Variants in UGCG observed in about 807,000 individuals in gnomAD.
UGCG encodes the protein ceramide glucosyltransferase.
A neutral mutation model predicts 49.5 loss-of-function variants in UGCG; 10 were observed. That is an observed-to-expected ratio of 0.20 (90% CI 0.12 to 0.34). UGCG has a LOEUF of 0.34. Ranked by LOEUF, UGCG falls within the 10% of genes least tolerant of loss-of-function variation. The pLI is 1.00. For synonymous variants in UGCG, 182 were observed against 158.2 expected (o/e 1.15, Z -1.13); for missense variants, 312 against 483.7 (o/e 0.65, Z 3.33).
intron 4 of UGCG, among the ~76,000 whole-genome samples, chr9:111,925,710 G>A (rs887678732): frequency 1.3e-5 from 2 of 152,202 alleles, no homozygotes; most frequent in Non-Finnish European, 2.9e-5. Flanking sequence ...ATAAGGTCAT[G>A]TAAAAATGAT....
At chr9:111,924,925 TA>T in intron 4 of UGCG, 47 bp downstream of exon 4, 1 of 1,172,562 alleles carries the variant, frequency 8.5e-7, no homozygotes, top group South Asian at 2.1e-5. Context: ...AATTTGAAGA[TA>T]AAATGCTAAA....
intron 8 of UGCG, 129 bp downstream of exon 8, chr9:111,932,488 G>C: frequency 2.0e-6 from 2 of 995,116 alleles, no homozygotes; most frequent in Non-Finnish European, 2.8e-6. Flanking sequence ...TCTCGGGTTT[G>C]AACATGACTT....
chr9:111,909,169 C>T lies in UGCG; in HGVS notation c.99-5436C>T, dbSNP rs2131719934. On this transcript the variant is annotated intron_variant, in intron 1 of 8. Coordinates refer to ENST00000374279, the MANE Select transcript of UGCG (RefSeq NM_003358.3). The stretch of plus-strand genomic sequence containing the variant: ...TCCTGACCTCAAGTGATCCGCCTGC[C>T]TCATCTTCCCAAAGTGCTAGAATTA... Among the ~76,000 whole-genome samples the T allele has an allele frequency of 2.0e-5, 3 of 152,288 alleles. 1 individual carries two copies. In the South Asian group the frequency reaches 6.2e-4, roughly 32 times the overall value.
In UGCG at chr9:111,934,387, C is replaced by T. The variant is rs568216108; in HGVS notation, c.*1390C>T. ...AAAAAAAAAACAAAAATGTAAGGGA[C>T]AGTGCATAAGCCTTTTCTTTGTTAA... is the stretch of plus-strand genomic sequence containing the variant. On this transcript the variant is annotated 3_prime_UTR_variant, in exon 9 of 9. Transcript: ENST00000374279. 1 of 151,496 alleles carries T rather than the reference C, an allele frequency of 6.6e-6. No individual in the cohort carries two copies. The highest frequency in any genetic ancestry group is 6.6e-5 in the Admixed American group (1 of 15,206). 9.4% of individuals were successfully genotyped at this position (151,496 alleles called of 1,614,324 possible). A position where few individuals can be genotyped will look rare whatever the true frequency, so the allele number is the denominator to read the frequency against.
chr9:111,915,710 A>T, intron 2 of UGCG: 1 of 883,484 alleles, frequency 1.1e-6, no homozygotes, highest in African/African-American at 1.8e-5. Context: ...TATGCGCACT[A>T]CACTTCTTAT....
chr9:111,932,042 C>CA, intron 7 of UGCG, 128 bp from the exon 8 acceptor site: 8 of 967,024 alleles, frequency 8.3e-6, no homozygotes, highest in South Asian at 3.7e-5. Flanking sequence ...AAAAACAAAA[C>CA]AAAAAAAGTT....
In UGCG at chr9:111,933,163, AAAC is replaced by A. The variant is rs1564207373; in HGVS notation, c.*168_*170del. On this transcript the variant is annotated 3_prime_UTR_variant, in exon 9 of 9. Coordinates refer to ENST00000374279, the MANE Select transcript of UGCG (RefSeq NM_003358.3). Reference sequence around the variant, plus strand: ...CACTTGCATCTGTGAAAAAAAAAAAAAACACATCTGTAGTCTTGGCCAAATGAT... The same window carrying A: ...CACTTGCATCTGTGAAAAAAAAAAAAACATCTGTAGTCTTGGCCAAATGAT... 2 of 606,108 alleles carry A rather than the reference AAAC, an allele frequency of 3.3e-6. No individual in the cohort carries two copies. Among genetic ancestry groups the A allele is most frequent in the Non-Finnish European group, 4.7e-6 (2 of 422,110 alleles). The allele number at this position is 606,108 out of a possible 1,614,324, so 37.5% of individuals were successfully genotyped here. A position where few individuals can be genotyped will look rare whatever the true frequency, so the allele number is the denominator to read the frequency against.
chr9:111,924,753 A>G (rs1361408112), intron 3 of UGCG, 24 bp from the exon 4 acceptor site: 1 of 1,292,194 alleles, frequency 7.7e-7, no homozygotes, highest in Non-Finnish European at 1.1e-6. Context: ...TAAATCTTTT[A>G]CTACTGTACC....
intron 2 of UGCG, among the ~76,000 whole-genome samples, chr9:111,918,765 C>CA (rs1021725633): frequency 6.1e-5 from 9 of 148,732 alleles, no homozygotes; most frequent in South Asian, 2.1e-4. Flanking sequence ...ACTAAAAATA[C>CA]AAAAAAAAAA....
chr9:111,916,067 A>G (rs1838104803), intron 2 of UGCG, among the ~76,000 whole-genome samples: 1 of 152,124 alleles, frequency 6.6e-6, no homozygotes, highest in African/African-American at 2.4e-5. Flanking sequence ...ATAATTGTAT[A>G]TACTTGTTTT....
rs562310165 is a variant in UGCG, at chr9:111,902,086, ACTTT to A, written c.98+4782_98+4785del. 6.3e-4 allele frequency among the ~76,000 whole-genome samples: 96 copies of A among 152,310 alleles called. 1 individual carries two copies. Among genetic ancestry groups the A allele is most frequent in the Middle Eastern group, 3.4e-3 (1 of 294 alleles). On this transcript the variant is annotated intron_variant, in intron 1 of 8. Transcript: ENST00000374279. ...ATGTGCTTTCTTTGGAATTGTCTTT[ACTTT>A]CTTTCTTTTTTCTTTCTCTTCCTTC... is the stretch of plus-strand genomic sequence containing the variant.
intron 1 of UGCG, among the ~76,000 whole-genome samples, chr9:111,904,072 A>G (rs1837829582): frequency 8.4e-6 from 1 of 118,434 alleles, no homozygotes; most frequent in Non-Finnish European, 1.8e-5. Flanking sequence ...CTAGGCTGAG[A>G]ATGATTGCCC....
At chr9:111,924,961 T>C in intron 4 of UGCG, 83 bp downstream of exon 4, 1 of 702,224 alleles carries the variant, frequency 1.4e-6, no homozygotes, top group Non-Finnish European at 2.0e-6. Flanking sequence ...CATTCATGAG[T>C]TCTTTTTATT....
Position 111,932,794 on chromosome 9 carries a change from G to A in UGCG, c.1015-33G>A, listed in dbSNP as rs755606639. The A allele has an allele frequency of 2.2e-5, 33 of 1,517,556 alleles. No individual in the cohort carries two copies. The Middle Eastern group carries it at 5.3e-4, about 24-fold the overall frequency. The allele number at this position is 1,517,556 out of a possible 1,614,324, so 94.0% of individuals were successfully genotyped here. On this transcript the variant is annotated intron_variant, in intron 8 of 8. Coordinates refer to ENST00000374279, the MANE Select transcript of UGCG (RefSeq NM_003358.3). ...AACCTTGTCTTTAGTTTGACAGTGA[G>A]TGAAATTAAAAAATTTTTTTTTCCA...
intron 4 of UGCG, 101 bp from the exon 5 acceptor site, chr9:111,926,283 G>A (rs1838310645): frequency 1.5e-6 from 1 of 659,978 alleles, no homozygotes; most frequent in Non-Finnish European, 2.5e-6. Flanking sequence ...ATTTTATTAA[G>A]AATGTAATAA....
intron 5 of UGCG, among the ~76,000 whole-genome samples, chr9:111,927,964 C>G (rs989599374): frequency 6.6e-6 from 1 of 152,104 alleles, no homozygotes; most frequent in South Asian, 2.1e-4. Flanking sequence ...CATAGGCCAT[C>G]GTATGTGTGT....
At chr9:111,903,142 G>A (rs72756240) in intron 1 of UGCG, among the ~76,000 whole-genome samples, 12,788 of 152,210 alleles carry the variant, frequency 0.084, 891 homozygotes, top group African/African-American at 0.18. Context: ...GCTGCTTCCC[G>A]CCATCTGAAG....
intron 2 of UGCG, among the ~76,000 whole-genome samples, chr9:111,918,996 G>C (rs1372086805): frequency 6.6e-6 from 1 of 151,272 alleles, no homozygotes; most frequent in Non-Finnish European, 1.5e-5. Context: ...AAGGCAGACT[G>C]TACCTCCCTT....
intron 1 of UGCG, among the ~76,000 whole-genome samples, chr9:111,911,814 G>A (rs1053814409): frequency 3.3e-5 from 5 of 150,528 alleles, no homozygotes; most frequent in Non-Finnish European, 5.9e-5. Context: ...TGGCAGGATC[G>A]CTTGAGCCTG....
Sources: allele counts gnomAD v4.1 joint callset (sites outside exome capture counted in the v4.1 genomes callset), GRCh38; gene constraint gnomAD v4.1.1; transcripts MANE v1.5; gene names NCBI Gene and HGNC (gene_info 2026-07-23, HGNC 2026-07-21).